Variants in DPH6 observed in about 807,000 individuals in gnomAD.
The protein encoded by DPH6 is diphthine--ammonia ligase.
Under a neutral mutation model 38.2 loss-of-function variants are expected in DPH6, and 33 were observed. That is an observed-to-expected ratio of 0.86 (90% CI 0.65 to 1.15). The LOEUF is 1.15. Ranked by LOEUF, DPH6 falls within the 50% of genes most tolerant of loss-of-function variation. The pLI is 0.00. For synonymous variants in DPH6, 108 were observed against 103.0 expected (o/e 1.05, Z -0.30); for missense variants, 325 against 320.0 (o/e 1.02, Z -0.12).
intron 3 of DPH6, chr15:35,238,096 T>C: frequency 6.8e-7 from 1 of 1,475,380 alleles, no homozygotes; most frequent in Admixed American, 1.7e-5. Context: ...ATTCCTATTG[T>C]GATTTGACTG....
chr15:35,285,872 G>GTTTTTTTTTTTTTTTTTTTTTTTT lies in DPH6; in HGVS notation n.201-65291_201-65290insAAAAAAAAAAAAAAAAAAAAAAAA, dbSNP rs67243158. 2.6e-3 allele frequency among the ~76,000 whole-genome samples: 139 copies of GTTTTTTTTTTTTTTTTTTTTTTTT among 52,806 alleles called. 52 individuals carry two copies. Among genetic ancestry groups the GTTTTTTTTTTTTTTTTTTTTTTTT allele is most frequent in the Middle Eastern group, 0.042 (2 of 48 alleles). 34.6% of individuals were successfully genotyped at this position (52,806 alleles called of 152,430 possible). ...GACTCAATTATCATTTTATCTTTGA[G>GTTTTTTTTTTTTTTTTTTTTTTTT]TTTTTTTTTTTTTTTTTACCTGAGA... On this transcript the variant is annotated intron_variant and non_coding_transcript_variant, in intron 3 of 3. Transcript: ENST00000560386.
the DPH6 span, among the ~76,000 whole-genome samples, chr15:35,148,191 T>C: frequency 6.6e-6 from 1 of 152,224 alleles, no homozygotes; most frequent in Non-Finnish European, 1.5e-5. Context: ...TTAAAAATCC[T>C]GTATATCTAT....
intron 3 of DPH6, among the ~76,000 whole-genome samples, chr15:35,515,578 G>A (rs112764768): frequency 0.03 from 4,498 of 151,992 alleles, 224 homozygotes; most frequent in African/African-American, 0.1. Context: ...AAAATTAGCC[G>A]GGCACGGTGG....
intron 3 of DPH6, among the ~76,000 whole-genome samples, chr15:35,534,411 G>A (rs2055137724): frequency 6.7e-6 from 1 of 149,400 alleles, no homozygotes; most frequent in African/African-American, 2.5e-5. Context: ...GAAAACACCA[G>A]TATTTCAGGA....
At chr15:35,194,194 T>C in the DPH6 span, among the ~76,000 whole-genome samples, 4 of 152,160 alleles carry the variant, frequency 2.6e-5, no homozygotes, top group Admixed American at 6.5e-5. Flanking sequence ...TAAGGTTCCA[T>C]ATCTTTTGTG....
At chr15:35,328,801 T>G (rs536321842), downstream of DPH6, among the ~76,000 whole-genome samples, 60 of 152,310 alleles carry the variant, frequency 3.9e-4, 1 homozygote, top group South Asian at 0.012. Flanking sequence ...TGCCAGAGAC[T>G]GGGCAGTTTA....
At chr15:35,510,962 G>C (rs530772488) in intron 3 of DPH6, among the ~76,000 whole-genome samples, 3 of 152,218 alleles carry the variant, frequency 2.0e-5, no homozygotes, top group Non-Finnish European at 4.4e-5. Context: ...AACTGACTTT[G>C]AATCCCAAAT....
downstream of DPH6, among the ~76,000 whole-genome samples, chr15:35,213,476 T>C (rs979163296): frequency 3.9e-5 from 6 of 152,230 alleles, no homozygotes; most frequent in Non-Finnish European, 5.9e-5. Flanking sequence ...TTCATACATA[T>C]TAATCTTTCC....
rs145731271 is a variant in DPH6, at chr15:35,379,370, G to A, written c.662+2452C>T. ...GGATTCCTAATAAATGATTAGTTGCGTGCTAATAGTGGCAGACAATTATTA... is the reference window on the plus strand; with the variant it reads ...GGATTCCTAATAAATGATTAGTTGCATGCTAATAGTGGCAGACAATTATTA... On this transcript the variant is annotated intron_variant, in intron 7 of 8. Coordinates refer to ENST00000256538, the MANE Select transcript of DPH6 (RefSeq NM_080650.4). Among the ~76,000 whole-genome samples, 480 of 152,214 alleles carry A rather than the reference G, an allele frequency of 3.2e-3. 1 individual carries two copies. Among genetic ancestry groups the A allele is most frequent in the African/African-American group, 9.9e-3 (412 of 41,544 alleles).
the DPH6 span, among the ~76,000 whole-genome samples, chr15:35,154,655 A>C: frequency 6.6e-6 from 1 of 152,232 alleles, no homozygotes; most frequent in East Asian, 1.9e-4. Context: ...GTACCTTTTA[A>C]ATAGTGCTGT....
intron 3 of DPH6, chr15:35,237,924 G>A (rs1232572592): frequency 7.2e-7 from 1 of 1,393,094 alleles, no homozygotes; most frequent in Non-Finnish European, 1.0e-6. Context: ...GAGGACGTGA[G>A]TGGAGAGGAG....
chr15:35,530,582 A>G (rs2055071859), intron 3 of DPH6, among the ~76,000 whole-genome samples: 2 of 152,216 alleles, frequency 1.3e-5, no homozygotes, highest in African/African-American at 4.8e-5. Flanking sequence ...TGCAATATAT[A>G]CACACAATCA....
At chr15:35,207,619 T>C in the DPH6 span, among the ~76,000 whole-genome samples, 1 of 152,168 alleles carries the variant, frequency 6.6e-6, no homozygotes, top group Admixed American at 6.5e-5. Context: ...TTTCACTTCA[T>C]AGAAAATTAT....
chr15:35,214,893 C>G (rs752528129), downstream of DPH6, among the ~76,000 whole-genome samples: 3 of 152,162 alleles, frequency 2.0e-5, no homozygotes, highest in Non-Finnish European at 4.4e-5. Flanking sequence ...CAGGTGTGAG[C>G]CACCACGCTT....
downstream of DPH6, among the ~76,000 whole-genome samples, chr15:35,368,466 G>A (rs998876715): frequency 6.6e-6 from 1 of 151,780 alleles, no homozygotes; most frequent in Non-Finnish European, 1.5e-5. Flanking sequence ...TTTTGTGCAG[G>A]GAGTCATACA....
intron 5 of DPH6, among the ~76,000 whole-genome samples, chr15:35,432,438 A>C (rs2053644007): frequency 6.6e-6 from 1 of 152,172 alleles, no homozygotes; most frequent in Non-Finnish European, 1.5e-5. Context: ...AATTAACCCA[A>C]TGAGCACAAC....
At chr15:35,406,283 C>T (rs919221215) in intron 6 of DPH6, among the ~76,000 whole-genome samples, 2 of 151,918 alleles carry the variant, frequency 1.3e-5, no homozygotes, top group African/African-American at 2.4e-5. Flanking sequence ...AGTTCAAAAT[C>T]GATGAAGCAT....
intron 3 of DPH6, among the ~76,000 whole-genome samples, chr15:35,279,708 C>T (rs977923167): frequency 5.3e-5 from 8 of 152,218 alleles, no homozygotes; most frequent in South Asian, 2.1e-4. Context: ...ATGCCAGCAC[C>T]GTGCTTCCTG....
Position 35,363,056 on chromosome 15 carries a change from C to T in DPH6, n.207+10465G>A, listed in dbSNP as rs2052627217. On this transcript the variant is annotated intron_variant and non_coding_transcript_variant, in intron 3 of 3. Transcript: ENST00000558973. ...ACATTTGTAGACTTGTATTATGGCC[C>T]TGGGTATAACTAACTTTTGTATAAT... Among the ~76,000 whole-genome samples the T allele has an allele frequency of 2.0e-5, 3 of 152,200 alleles. No individual in the cohort carries two copies. In the South Asian group the frequency reaches 6.2e-4, roughly 32 times the overall value.
Sources: allele counts gnomAD v4.1 joint callset (sites outside exome capture counted in the v4.1 genomes callset), GRCh38; gene constraint gnomAD v4.1.1; transcripts MANE v1.5; gene names NCBI Gene and HGNC (gene_info 2026-07-23, HGNC 2026-07-21).